The following VPS37D variants were observed in gnomAD, a reference collection of about 807,000 sequenced individuals.
VPS37D encodes the protein vacuolar protein sorting-associated protein 37D.
In VPS37D, 5 loss-of-function variants were observed where a neutral mutation model predicts 22.0. The observed-to-expected ratio is 0.23, with a 90% CI of 0.12 to 0.48. VPS37D has a LOEUF of 0.48. VPS37D is among the 20% of genes least tolerant of loss of function. The pLI is 0.99. For synonymous variants in VPS37D, 174 were observed against 159.3 expected, an observed-to-expected ratio of 1.09 and a Z score of -0.69; for missense variants, 384 against 345.8, an observed-to-expected ratio of 1.11 and a Z score of -0.88.
chr7:73,670,122 G>T lies in VPS37D; in HGVS notation c.393+20G>T. The T allele has an allele frequency of 6.5e-7, 1 of 1,550,228 alleles. No individual in the cohort carries two copies. Among genetic ancestry groups the T allele is most frequent in the Non-Finnish European group, 8.7e-7 (1 of 1,146,898 alleles). On this transcript the variant is annotated intron_variant, in intron 3 of 3. Transcript: ENST00000324941. ...GCAGAGGTGAGGGGAGGGGTGGCTG[G>T]GGCTGGGGGCCAGGAGGGAGACCCA... is the stretch of plus-strand genomic sequence containing the variant.
upstream of VPS37D, among the ~76,000 whole-genome samples, chr7:73,665,603 C>T (rs547580787): frequency 1.4e-3 from 217 of 152,238 alleles, no homozygotes; most frequent in African/African-American, 4.8e-3. Flanking sequence ...GCTGTCCTGC[C>T]GCTTCTCCCA....
Position 73,671,382 on chromosome 7 carries a change from A to G in VPS37D, c.*6A>G. 7.3e-7 allele frequency: 1 copy of G among 1,368,778 alleles called. No homozygotes were observed. The highest frequency in any genetic ancestry group is 9.4e-7 in the Non-Finnish European group (1 of 1,062,976). 84.8% of individuals were successfully genotyped at this position (1,368,778 alleles called of 1,614,324 possible). A position where few individuals can be genotyped will look rare whatever the true frequency, so the allele number is the denominator to read the frequency against. ...CAGAGCCCCCCCACCGGTAGGATCCACGGTGCGGCCCCCCAGTTGGGGGGC... is the reference window on the plus strand; with the variant it reads ...CAGAGCCCCCCCACCGGTAGGATCCGCGGTGCGGCCCCCCAGTTGGGGGGC... On this transcript the variant is annotated 3_prime_UTR_variant, in exon 4 of 4. Transcript: ENST00000324941.
At position 73,668,094 on chromosome 7, in the gene VPS37D, A is replaced by G; in HGVS notation, c.136A>G (p.Lys46Glu). 9.1e-7 allele frequency: 1 copy of G among 1,100,462 alleles called. No homozygotes were observed. The highest frequency in any genetic ancestry group is 5.7e-5 in the East Asian group (1 of 17,406). 68.2% of individuals were successfully genotyped at this position (1,100,462 alleles called of 1,614,324 possible). Reference protein sequence around the residue: ...KLDRIVRLSRKFQGLQLEREA... With the variant: ...KLDRIVRLSREFQGLQLEREA... ...GGACCGGATCGTGCGGCTCAGCAGG[A>G]AGGTAGCGCGGGGGGCTCGAGCGGG... The change falls in exon 1 of 4, where the codon AAG becomes GAG. Residue 46 changes from lysine to glutamate, a missense_variant and splice_region_variant. Physicochemically the swap from Lys to Glu is moderately conservative, Grantham distance 56. Transcript: ENST00000324941.
chr7:73,671,166 C>T lies in VPS37D; in HGVS notation c.546C>T (p.Ala182=), dbSNP rs782606563. The change falls in exon 4 of 4, where the codon GCC becomes GCT. Residue 182 remains alanine (A), a synonymous_variant. Transcript: ENST00000324941. ...LRRRERSAQP[A]PTSAADPPKS... The stretch of plus-strand genomic sequence containing the variant: ...GTCGGGAGCGTTCTGCCCAGCCGGC[C>T]CCCACCTCGGCTGCTGATCCCCCCA... The T allele has an allele frequency of 1.9e-6, 3 of 1,605,074 alleles. No individual in the cohort carries two copies. Among genetic ancestry groups the T allele is most frequent in the Admixed American group, 3.4e-5 (2 of 59,596 alleles).
In VPS37D at chr7:73,671,800, C is replaced by G. The variant is rs1797524306; in HGVS notation, c.*424C>G. 1 of 152,262 alleles carries G rather than the reference C, an allele frequency of 6.6e-6. No homozygotes were observed. Among genetic ancestry groups the G allele is most frequent in the Non-Finnish European group, 1.5e-5 (1 of 68,098 alleles). 9.4% of individuals were successfully genotyped at this position (152,262 alleles called of 1,614,324 possible). A position where few individuals can be genotyped will look rare whatever the true frequency, so the allele number is the denominator to read the frequency against. ...GAGTGTTTTACATCATGTCCTGAGC[C>G]TACCTTTCCCCCAAATTCTGGGGCC... is the stretch of plus-strand genomic sequence containing the variant. On this transcript the variant is annotated 3_prime_UTR_variant, in exon 4 of 4. Coordinates refer to ENST00000324941, the MANE Select transcript of VPS37D (RefSeq NM_001077621.2).
At position 73,671,271 on chromosome 7, in the gene VPS37D, G is replaced by A; in HGVS notation, c.651G>A (p.Leu217=). 1 of 1,475,748 alleles carries A rather than the reference G, an allele frequency of 6.8e-7. No individual in the cohort carries two copies. The highest frequency in any genetic ancestry group is 2.2e-5 in the Admixed American group (1 of 45,094). The allele number at this position is 1,475,748 out of a possible 1,614,324, so 91.4% of individuals were successfully genotyped here. The change falls in exon 4 of 4, where the codon TTG becomes TTA. Residue 217 remains leucine, a synonymous_variant. Transcript: ENST00000324941. ...PPAVPRSLPP[L]DSRPVPPLKG... is the part of the protein sequence containing the mutation. ...CAGTGCCCCGGAGCCTGCCCCCCTTGGACTCCCGCCCAGTGCCCCCACTGA... is the reference window on the plus strand; with the variant it reads ...CAGTGCCCCGGAGCCTGCCCCCCTTAGACTCCCGCCCAGTGCCCCCACTGA...
intron 3 of VPS37D, 104 bp downstream of exon 3, chr7:73,670,206 A>C (rs782731597): frequency 2.8e-5 from 43 of 1,518,952 alleles, no homozygotes; most frequent in Non-Finnish European, 3.6e-5. Flanking sequence ...CTCCTCTGGG[A>C]AGTCCACCCT....
intron 2 of VPS37D, 121 bp downstream of exon 2, chr7:73,669,711 G>A (rs1234174341): frequency 3.1e-6 from 4 of 1,284,476 alleles, no homozygotes; most frequent in Non-Finnish European, 4.3e-6. Flanking sequence ...CTCCTGGCTT[G>A]CTGGGCAGTA....
intron 2 of VPS37D, among the ~76,000 whole-genome samples, chr7:73,669,818 C>G (rs1429094888): frequency 2.6e-5 from 4 of 152,168 alleles, no homozygotes; most frequent in Non-Finnish European, 5.9e-5. Context: ...ACAAAGCCTC[C>G]CCTGTCTCTT....
intron 1 of VPS37D, among the ~76,000 whole-genome samples, 155 bp from the exon 2 acceptor site, chr7:73,669,264 G>A (rs1004601114): frequency 6.6e-6 from 1 of 152,162 alleles, no homozygotes; most frequent in Non-Finnish European, 1.5e-5. Flanking sequence ...GCCTGTCATC[G>A]TCCCTTCACC....
intron 3 of VPS37D, among the ~76,000 whole-genome samples, 165 bp from the exon 4 acceptor site, chr7:73,670,848 TC>T (rs1797491526): frequency 1.3e-5 from 2 of 150,414 alleles, no homozygotes; most frequent in East Asian, 3.9e-4. Context: ...TGTCCACAGT[TC>T]ACTTAGCAAG....
At chr7:73,667,514 C>T (rs1475596298), upstream of VPS37D, among the ~76,000 whole-genome samples, 24 of 152,138 alleles carry the variant, frequency 1.6e-4, no homozygotes, top group African/African-American at 5.3e-4. Flanking sequence ...CAGGAGCCCT[C>T]GGCGCCCGGC....
At position 73,671,239 on chromosome 7, in the gene VPS37D, C is replaced by T. The variant is rs1797505106; in HGVS notation, c.619C>T (p.Pro207Ser). 1 of 1,544,680 alleles carries T rather than the reference C, an allele frequency of 6.5e-7. No individual in the cohort carries two copies. The highest frequency in any genetic ancestry group is 8.7e-7 in the Non-Finnish European group (1 of 1,147,994). Residue 207 changes from proline to serine, a missense_variant, in exon 4 of 4, where the codon CCA becomes TCA. Physicochemically the swap from Pro to Ser is moderately conservative, Grantham distance 74. Coordinates refer to ENST00000324941, the MANE Select transcript of VPS37D (RefSeq NM_001077621.2). ...AVLPTGAARG[P>S]PAVPRSLPPL... is the part of the protein sequence containing the mutation. ...CCTGCCCACTGGGGCCGCCCGGGGG[C>T]CACCAGCAGTGCCCCGGAGCCTGCC...
intron 1 of VPS37D, among the ~76,000 whole-genome samples, 175 bp from the exon 2 acceptor site, chr7:73,669,244 T>G (rs1554609195): frequency 6.6e-6 from 1 of 152,172 alleles, no homozygotes; most frequent in Non-Finnish European, 1.5e-5. Flanking sequence ...CAGAGCCAGT[T>G]CTGGTCCCGG....
intron 1 of VPS37D, 86 bp downstream of exon 1, chr7:73,668,182 G>C (rs1248707545): frequency 1.4e-5 from 12 of 829,218 alleles, no homozygotes; most frequent in Non-Finnish European, 1.8e-5. Context: ...CGCGCGGGCC[G>C]GGCCGCGGGG....
rs1023284539 is a variant in VPS37D, at chr7:73,671,625, G to A, written c.*249G>A. On this transcript the variant is annotated 3_prime_UTR_variant, in exon 4 of 4. Coordinates refer to ENST00000324941, the MANE Select transcript of VPS37D (RefSeq NM_001077621.2). ...CCTGCCTTTTTTGTTTCCGTGCCCCGGGGCCTCTAGGGTGATGGACCAGCC... is the reference window on the plus strand; with the variant it reads ...CCTGCCTTTTTTGTTTCCGTGCCCCAGGGCCTCTAGGGTGATGGACCAGCC... The A allele has an allele frequency of 1.5e-5, 3 of 203,658 alleles. No homozygotes were observed. Among genetic ancestry groups the A allele is most frequent in the South Asian group, 1.5e-4 (1 of 6,554 alleles). The allele number at this position is 203,658 out of a possible 1,614,324, so 12.6% of individuals were successfully genotyped here.
chr7:73,667,354 C>T (rs1797397287), upstream of VPS37D, among the ~76,000 whole-genome samples: 1 of 151,852 alleles, frequency 6.6e-6, no homozygotes, highest in Non-Finnish European at 1.5e-5. Flanking sequence ...TGGTCTCAAA[C>T]TCCTGGCCTC....
intron 3 of VPS37D, among the ~76,000 whole-genome samples, chr7:73,670,582 C>T (rs565066985): frequency 1.3e-5 from 2 of 152,068 alleles, no homozygotes; most frequent in South Asian, 2.1e-4. Context: ...CCGAGGCGGG[C>T]GGATCGCCTG....
Position 73,671,293 on chromosome 7 carries a change from C to A in VPS37D, c.673C>A (p.Leu225Met). 7.0e-7 allele frequency: 1 copy of A among 1,422,450 alleles called. No homozygotes were observed. The highest frequency in any genetic ancestry group is 9.2e-7 in the Non-Finnish European group (1 of 1,092,064). The allele number at this position is 1,422,450 out of a possible 1,614,324, so 88.1% of individuals were successfully genotyped here. A position where few individuals can be genotyped will look rare whatever the true frequency, so the allele number is the denominator to read the frequency against. The change falls in exon 4 of 4, where the codon CTG (leucine) becomes ATG (methionine). Residue 225 changes from leucine (L) to methionine (M), a missense_variant. Transcript: ENST00000324941. ...CTTGGACTCCCGCCCAGTGCCCCCA[C>A]TGAAGGGCTCCCCCGGGTGCCCCCT... ...PPLDSRPVPP[L>M]KGSPGCPLGP...
Sources: allele counts gnomAD v4.1 joint callset (sites outside exome capture counted in the v4.1 genomes callset), GRCh38; gene constraint gnomAD v4.1.1; transcripts MANE v1.5; gene names NCBI Gene and HGNC (gene_info 2026-07-23, HGNC 2026-07-21).